Variants in OPA3 observed in about 807,000 individuals in gnomAD.
OPA3 encodes the protein optic atrophy 3 protein.
In OPA3, 6 loss-of-function variants were observed where a neutral mutation model predicts 4.0. The observed-to-expected ratio is 1.51, with a 90% CI of 0.83 to 2.99. The LOEUF is 2.99. OPA3 is among the 30% of genes most tolerant of loss of function. OPA3 has a pLI of 0.00. For synonymous variants in OPA3, 105 were observed against 117.1 expected, an observed-to-expected ratio of 0.90 and a Z score of 0.67; for missense variants, 235 against 256.2, an observed-to-expected ratio of 0.92 and a Z score of 0.56.
Position 45,584,603 on chromosome 19 carries a change from G to C in OPA3, c.142+20C>G. On this transcript the variant is annotated intron_variant, in intron 1 of 1. Transcript: ENST00000263275. ...GTTGGAGAAAGGAAAAAGGTTGGAG[G>C]GAATTCGGGTCAGACTCACGTTGAG... 1 of 1,614,186 alleles carries C rather than the reference G, an allele frequency of 6.2e-7. No homozygotes were observed. Among genetic ancestry groups the C allele is most frequent in the Non-Finnish European group, 8.5e-7 (1 of 1,180,024 alleles).
At chr19:45,572,792 T>TATATATATCATACTATATATATAG (rs1969705611) in intron 1 of OPA3, among the ~76,000 whole-genome samples, 2 of 56,660 alleles carry the variant, frequency 3.5e-5, no homozygotes, top group African/African-American at 1.0e-4. Context: ...TATATATAGA[T>TATATATATCATACTATATATATAG]ATATATATCA....
intron 1 of OPA3, among the ~76,000 whole-genome samples, chr19:45,557,695 G>A (rs1438128726): frequency 6.6e-6 from 1 of 152,132 alleles, no homozygotes; most frequent in Non-Finnish European, 1.5e-5. Context: ...TCCCAGCTCT[G>A]ACCAACGTTC....
exon 2 of OPA3, chr19:45,529,084 G>A (rs764421231): frequency 1.8e-4 from 294 of 1,600,452 alleles, no homozygotes; most frequent in Non-Finnish European, 2.3e-4. Flanking sequence ...CGCAACTGGG[G>A]GTGCAGGCGG....
chr19:45,530,159 G>A (rs1178506113), intron 1 of OPA3, among the ~76,000 whole-genome samples: 1 of 152,162 alleles, frequency 6.6e-6, no homozygotes, highest in Non-Finnish European at 1.5e-5. Flanking sequence ...TTTGAGACCA[G>A]CCTGGCCAAG....
intron 1 of OPA3, among the ~76,000 whole-genome samples, chr19:45,537,387 ACT>A (rs1324547220): frequency 9.6e-6 from 1 of 104,364 alleles, no homozygotes; most frequent in Admixed American, 1.3e-4. Context: ...ACAGAGCAAG[ACT>A]CTGTCTCAAA....
rs542290472 is a variant in OPA3 at position 45,580,104 on chromosome 19, C to G, written c.142+4519G>C. 6.0e-4 allele frequency among the ~76,000 whole-genome samples: 90 copies of G among 149,518 alleles called. 1 individual carries two copies. In the East Asian group the frequency reaches 0.014, roughly 23 times the overall value. On this transcript the variant is annotated intron_variant, in intron 1 of 1. Coordinates refer to ENST00000263275, the MANE Select transcript of OPA3 (RefSeq NM_025136.4). Reference sequence around the variant, plus strand: ...CTCCGCCTCCCATGTTCAAGTGATTCTTCTGCCTCAGCCTCCCGAGTAGCT... The same window carrying G: ...CTCCGCCTCCCATGTTCAAGTGATTGTTCTGCCTCAGCCTCCCGAGTAGCT...
intron 1 of OPA3, among the ~76,000 whole-genome samples, chr19:45,533,161 G>C (rs771068897): frequency 6.6e-6 from 1 of 151,802 alleles, no homozygotes; most frequent in South Asian, 2.1e-4. Flanking sequence ...AAAGTGCTGA[G>C]ATTACAGGCA....
intron 1 of OPA3, among the ~76,000 whole-genome samples, chr19:45,559,397 C>CTTTTTTTTTTTTTTTT (rs71338781): frequency 1.7e-5 from 1 of 59,910 alleles, no homozygotes. Flanking sequence ...CTTTTTCTTT[C>CTTTTTTTTTTTTTTTT]TTTTTTTTTT....
chr19:45,537,928 T>A (rs1482763221), intron 1 of OPA3, among the ~76,000 whole-genome samples: 1 of 152,020 alleles, frequency 6.6e-6, no homozygotes, highest in Non-Finnish European at 1.5e-5. Flanking sequence ...TCATAATATA[T>A]ATGTTTTCAA....
chr19:45,572,320 G>GATATATATCGATATATATCTC (rs1568408954), intron 1 of OPA3, among the ~76,000 whole-genome samples: 1 of 125,650 alleles, frequency 8.0e-6, no homozygotes, highest in East Asian at 2.3e-4. Context: ...ACATATATGA[G>GATATATATCGATATATATCTC]ATATATATCG....
chr19:45,558,552 TTCTGAGC>T (rs1005412805), intron 1 of OPA3, among the ~76,000 whole-genome samples: 34 of 152,270 alleles, frequency 2.2e-4, no homozygotes, highest in African/African-American at 6.5e-4. Context: ...CCTCACTCAT[TTCTGAGC>T]TCTTCAACTG....
chr19:45,572,607 CATAT>C (rs1380103662), intron 1 of OPA3, among the ~76,000 whole-genome samples: 1 of 92,156 alleles, frequency 1.1e-5, no homozygotes, highest in African/African-American at 3.5e-5. Context: ...TGATATATAT[CATAT>C]ATATCATGAT....
chr19:45,581,383 G>T (rs7253109), intron 1 of OPA3, among the ~76,000 whole-genome samples: 72,108 of 151,950 alleles, frequency 0.47, 19,907 homozygotes, highest in African/African-American at 0.77. Flanking sequence ...CTTTCCTTAC[G>T]CCTTGTCCTG....
In OPA3 at chr19:45,549,801, C is replaced by T. The variant is rs1383442950; in HGVS notation, c.*3713G>A. 7.1e-6 allele frequency: 7 copies of T among 985,372 alleles called. No individual in the cohort carries two copies. The highest frequency in any genetic ancestry group is 8.4e-6 in the Non-Finnish European group (7 of 830,100). The allele number at this position is 985,372 out of a possible 1,614,324, so 61.0% of individuals were successfully genotyped here. Reference sequence around the variant, plus strand: ...CACTCCCAGTTTTAAACACAGCCCACTCAGGACCCACTCGGTCAGTTCCCT... The same window carrying T: ...CACTCCCAGTTTTAAACACAGCCCATTCAGGACCCACTCGGTCAGTTCCCT... On this transcript the variant is annotated 3_prime_UTR_variant, in exon 2 of 2. Coordinates refer to ENST00000263275, the MANE Select transcript of OPA3 (RefSeq NM_025136.4).
At chr19:45,529,360 C>A (rs761801627) in exon 2 of OPA3, 3 of 1,614,234 alleles carry the variant, frequency 1.9e-6, no homozygotes, top group Non-Finnish European at 1.7e-6. Flanking sequence ...CAGCTCCGCG[C>A]CCAGCTCGGC....
chr19:45,539,056 A>G (rs1009317394), intron 1 of OPA3, among the ~76,000 whole-genome samples: 3 of 152,116 alleles, frequency 2.0e-5, no homozygotes, highest in East Asian at 3.9e-4. Flanking sequence ...GGGCAGGAAA[A>G]ACTGCCATTT....
At chr19:45,583,978 G>C (rs1371479998) in intron 1 of OPA3, among the ~76,000 whole-genome samples, 1 of 152,202 alleles carries the variant, frequency 6.6e-6, no homozygotes. Context: ...AGGCCGCATA[G>C]TCTGTCAACC....
intron 1 of OPA3, among the ~76,000 whole-genome samples, chr19:45,577,858 G>A (rs1217507056): frequency 6.6e-6 from 1 of 152,180 alleles, no homozygotes; most frequent in Non-Finnish European, 1.5e-5. Context: ...CTATCAATCA[G>A]AGGACTGGCT....
At chr19:45,556,401 G>C (rs1195446459) in intron 1 of OPA3, among the ~76,000 whole-genome samples, 1 of 151,978 alleles carries the variant, frequency 6.6e-6, no homozygotes, top group Middle Eastern at 3.2e-3. Context: ...CTGTGGTCCA[G>C]GATGGAAGGC....
Sources: gnomAD v4.1 joint callset for allele counts (sites outside exome capture counted in the v4.1 genomes callset) on GRCh38, gnomAD v4.1.1 for gene constraint, MANE v1.5 for transcripts, NCBI Gene and HGNC (gene_info 2026-07-23, HGNC 2026-07-21) for gene names.